RNFT1: variants seen among roughly 807,000 people sequenced by gnomAD.
RNFT1 encodes E3 ubiquitin-protein ligase RNFT1.
A neutral mutation model predicts 53.2 loss-of-function variants in RNFT1; 35 were observed. The observed-to-expected ratio is 0.66, with a 90% CI of 0.50 to 0.87. The LOEUF (loss-of-function observed/expected upper bound fraction) is 0.87, where lower values mean the gene tolerates loss of function less well. RNFT1 is among the 40% of genes least tolerant of loss of function. RNFT1 has a pLI of 0.00. For synonymous variants in RNFT1, 141 were observed against 172.8 expected, an observed-to-expected ratio of 0.82 and a Z score of 1.44; for missense variants, 421 against 515.0, an observed-to-expected ratio of 0.82 and a Z score of 1.77.
At chr17:59,962,486 T>TA in intron 3 of RNFT1, 54 bp downstream of exon 3, 1 of 1,183,646 alleles carries the variant, frequency 8.4e-7, no homozygotes, top group East Asian at 2.4e-5. Context: ...ATTATTTCTC[T>TA]AAAATCTATG....
intron 7 of RNFT1, among the ~76,000 whole-genome samples, chr17:59,954,395 T>C (rs985695342): frequency 5.9e-5 from 9 of 152,218 alleles, no homozygotes; most frequent in African/African-American, 1.4e-4. Context: ...CAAAGGATGA[T>C]AGTGCTTCAA....
chr17:59,955,522 A>T (rs952893840), intron 7 of RNFT1, among the ~76,000 whole-genome samples: 1 of 152,168 alleles, frequency 6.6e-6, no homozygotes, highest in African/African-American at 2.4e-5. Flanking sequence ...ATCTTACAAG[A>T]CCAATTATAG....
chr17:59,960,627 A>G (rs753318019), intron 3 of RNFT1, among the ~76,000 whole-genome samples: 44 of 151,990 alleles, frequency 2.9e-4, no homozygotes, highest in Non-Finnish European at 4.6e-4. Context: ...CCTGCCCAAC[A>G]TGGTGAAACC....
chr17:59,959,992 G>A (rs2045278118), intron 4 of RNFT1, 76 bp downstream of exon 4: 1 of 1,411,238 alleles, frequency 7.1e-7, no homozygotes, highest in Non-Finnish European at 9.6e-7. Flanking sequence ...TAAGTACTAT[G>A]TGAAGTAAGA....
chr17:59,964,635 G>A lies in RNFT1; in HGVS notation c.29C>T (p.Thr10Ile), dbSNP rs750110481. Residue 10 changes from threonine (T) to isoleucine (I), a missense_variant, in exon 1 of 9, where the codon ACA becomes ATA. Coordinates refer to ENST00000305783, the MANE Select transcript of RNFT1 (RefSeq NM_016125.4). The stretch of plus-strand genomic sequence containing the variant: ...CTCATGACCAGAAGCGGACGGAGGT[G>A]TCGGGAGCGACAGCAAGAACAGCGG... MPLFLLSLP[T>I]PPSASGHERR... The A allele has an allele frequency of 6.2e-6, 10 of 1,608,368 alleles. No individual in the cohort carries two copies. Among genetic ancestry groups the A allele is most frequent in the African/African-American group, 1.3e-5 (1 of 74,882 alleles).
At chr17:59,958,528 T>C in intron 4 of RNFT1, 84 bp from the exon 5 acceptor site, 1 of 1,109,370 alleles carries the variant, frequency 9.0e-7, no homozygotes. Context: ...GCTACAAATA[T>C]TTTATTTTGA....
At position 59,963,134 on chromosome 17, in the gene RNFT1, T is replaced by C; in HGVS notation, c.207A>G (p.Gly69=). 2.5e-6 allele frequency: 4 copies of C among 1,614,248 alleles called. No homozygotes were observed. Among genetic ancestry groups the C allele is most frequent in the Non-Finnish European group, 3.4e-6 (4 of 1,180,044 alleles). ...TPQCVHTRLT[G]EGSCPHSGDV... The stretch of plus-strand genomic sequence containing the variant: ...CTCCAGAATGAGGGCAAGAACCCTC[T>C]CCTGTCAATCTTGTGTGGACACACT... The change falls in exon 2 of 9, where the codon GGA becomes GGG. Residue 69 remains glycine (G), a synonymous_variant. Transcript: ENST00000305783.
intron 4 of RNFT1, chr17:59,959,755 CA>C (rs1226717455): frequency 6.2e-6 from 1 of 160,036 alleles, no homozygotes; most frequent in Non-Finnish European, 1.4e-5. Context: ...ATTAAAAATA[CA>C]AAAATTTGCC....
At position 59,952,959 on chromosome 17, in the gene RNFT1, C is replaced by T. The variant is rs1483517710; in HGVS notation, c.*18G>A. The stretch of plus-strand genomic sequence containing the variant: ...CCAAATGACATTAGTATTTTGTGGC[C>T]TTGATAGTTTATACAACTTAATATA... On this transcript the variant is annotated 3_prime_UTR_variant, in exon 9 of 9. Transcript: ENST00000305783. The T allele has an allele frequency of 6.2e-6, 10 of 1,608,334 alleles. No individual in the cohort carries two copies. Among genetic ancestry groups the T allele is most frequent in the Admixed American group, 1.7e-5 (1 of 59,820 alleles).
chr17:59,963,593 G>A (rs748065205), intron 1 of RNFT1, among the ~76,000 whole-genome samples: 2 of 152,028 alleles, frequency 1.3e-5, no homozygotes, highest in Non-Finnish European at 2.9e-5. Context: ...AGATGTTAAT[G>A]AGCACCAGTC....
chr17:59,953,017 C>G lies in RNFT1; in HGVS notation c.1268G>C (p.Trp423Ser). ...GTGTGATGAAGTGGCTCCATCCTTC[C>G]ATTTGTTTATATGGTCTGAAATCAC... ...RTVISDHINK[W>S]KDGATSSHLQ... The change falls in exon 9 of 9, where the codon TGG becomes TCG. Residue 423 changes from tryptophan to serine, a missense_variant. Physicochemically the swap from Trp to Ser is radical, Grantham distance 177. Coordinates refer to ENST00000305783, the MANE Select transcript of RNFT1 (RefSeq NM_016125.4). 1.2e-6 allele frequency: 2 copies of G among 1,613,564 alleles called. No individual in the cohort carries two copies. The highest frequency in any genetic ancestry group is 1.7e-6 in the Non-Finnish European group (2 of 1,179,754).
At chr17:59,953,172 T>A in intron 8 of RNFT1, 61 bp from the exon 9 acceptor site, 1 of 1,377,782 alleles carries the variant, frequency 7.3e-7, no homozygotes, top group Non-Finnish European at 1.0e-6. Context: ...CATCACATTG[T>A]AGGGAATGAA....
rs868796726 is a variant in RNFT1 at position 59,963,172 on chromosome 17, C to T, written c.169G>A (p.Ala57Thr). Residue 57 changes from alanine (A) to threonine (T), a missense_variant, in exon 2 of 9, where the codon GCC becomes ACC. By Grantham distance (58) the Ala-to-Thr change is moderately conservative (BLOSUM62 0). Transcript: ENST00000305783. ...SPPGTGSSEDASTPQCVHTRL... is the reference protein window; with the variant it reads ...SPPGTGSSEDTSTPQCVHTRL... ...GTGTGGACACACTGAGGGGTTGAGG[C>T]ATCCTCACTGCTTCCAGTTCCTGGA... 6.2e-7 allele frequency: 1 copy of T among 1,614,220 alleles called. No individual in the cohort carries two copies. Among genetic ancestry groups the T allele is most frequent in the African/African-American group, 1.3e-5 (1 of 75,054 alleles).
intron 7 of RNFT1, among the ~76,000 whole-genome samples, chr17:59,954,896 A>G (rs956104205): frequency 1.3e-5 from 2 of 152,184 alleles, no homozygotes; most frequent in Non-Finnish European, 1.5e-5. Context: ...CTAATGTCCT[A>G]ATAACAAGTT....
At chr17:59,961,455 C>A (rs190811376) in intron 3 of RNFT1, among the ~76,000 whole-genome samples, 156 of 152,284 alleles carry the variant, frequency 1.0e-3, no homozygotes, top group Non-Finnish European at 1.2e-3. Flanking sequence ...TGATACTTTA[C>A]ACAGACATAG....
Position 59,960,167 on chromosome 17 carries a change from T to TCC in RNFT1, c.592-1_592dup (p.Glu198GlyfsTer16), listed in dbSNP as rs753048140. On this transcript the variant is annotated frameshift_variant and splice_region_variant, in exon 4 of 9. Coordinates refer to ENST00000305783, the MANE Select transcript of RNFT1 (RefSeq NM_016125.4). LOFTEE classifies it high-confidence loss of function. ...AGCACACTGAATCTTTGAGGACCTT[T>TCC]CCTGAAAGATAAACAATTTTATAAT... 1.3e-6 allele frequency: 2 copies of TCC among 1,598,938 alleles called. No individual in the cohort carries two copies. The highest frequency in any genetic ancestry group is 2.3e-5 in the South Asian group (2 of 87,376).
chr17:59,958,635 T>G (rs780408706), intron 4 of RNFT1, 191 bp from the exon 5 acceptor site: 2 of 651,772 alleles, frequency 3.1e-6, no homozygotes, highest in African/African-American at 1.8e-5. Context: ...TGTTTGGATT[T>G]TAGATCTTCC....
chr17:59,962,943 G>C lies in RNFT1; in HGVS notation c.398C>G (p.Ser133Cys), dbSNP rs775874180. The C allele has an allele frequency of 1.9e-6, 3 of 1,614,102 alleles. No homozygotes were observed. The highest frequency in any genetic ancestry group is 2.5e-6 in the Non-Finnish European group (3 of 1,180,044). The change falls in exon 2 of 9, where the codon TCT becomes TGT. Residue 133 changes from serine (S) to cysteine (C), a missense_variant. By Grantham distance (112) the Ser-to-Cys change is moderately radical. Transcript: ENST00000305783. The stretch of plus-strand genomic sequence containing the variant: ...GAAGGAGCTACTACCATGATCTCCA[G>C]ATTCTGCGGCAGTATCATCAGTCAG... Reference protein sequence around the residue: ...ARLTDDTAAESGDHGSSSFSE... With the variant: ...ARLTDDTAAECGDHGSSSFSE...
intron 3 of RNFT1, chr17:59,962,280 C>T (rs2045299306): frequency 1.2e-5 from 4 of 334,218 alleles, no homozygotes. Context: ...ATACCGTGTT[C>T]TAACTCTTTT....
Sources: gnomAD v4.1 joint callset for allele counts (sites outside exome capture counted in the v4.1 genomes callset) on GRCh38, gnomAD v4.1.1 for gene constraint, MANE v1.5 for transcripts, NCBI Gene and HGNC (gene_info 2026-07-23, HGNC 2026-07-21) for gene names.